STAU2: variants seen among roughly 807,000 people sequenced by gnomAD.
STAU2 encodes the protein double-stranded RNA-binding protein Staufen homolog 2.
In STAU2, 20 loss-of-function variants were observed where a neutral mutation model predicts 65.9. That is an observed-to-expected ratio of 0.30 (90% CI 0.21 to 0.44). STAU2 has a LOEUF of 0.44. STAU2 is among the 20% of genes least tolerant of loss of function. The probability of loss-of-function intolerance (pLI) is 1.00; values close to 1 mark genes in which losing one functional copy is unlikely to be tolerated. For missense variants in STAU2, 558 were observed against 683.9 expected (o/e 0.82, Z 2.05); for synonymous variants, 232 against 233.9 (o/e 0.99, Z 0.07).
At chr8:73,722,484 T>C (rs1303382351) in intron 3 of STAU2, among the ~76,000 whole-genome samples, 1 of 152,230 alleles carries the variant, frequency 6.6e-6, no homozygotes, top group Non-Finnish European at 1.5e-5. Flanking sequence ...GTTGTAAACA[T>C]CTTTATCTCA....
chr8:73,714,976 G>T (rs77001917), intron 3 of STAU2, among the ~76,000 whole-genome samples: 30,768 of 151,356 alleles, frequency 0.2, 3,483 homozygotes, highest in East Asian at 0.36. Flanking sequence ...AGCTACTCAG[G>T]AGGCTGAGGC....
chr8:73,517,512 GA>G (rs1298623030), intron 13 of STAU2, among the ~76,000 whole-genome samples: 3 of 152,104 alleles, frequency 2.0e-5, no homozygotes, highest in Non-Finnish European at 4.4e-5. Flanking sequence ...AGAAAATCTA[GA>G]AAACACTTTG....
Position 73,551,882 on chromosome 8 carries a change from C to T in STAU2, c.1530+130G>A, listed in dbSNP as rs572248336. On this transcript the variant is annotated intron_variant, in intron 13 of 14. Transcript: ENST00000524300. ...GCTTTTTTGTCTGTCCTTTGTGTTCCTAAATAACTTAAAACGTAAGTGGCA... is the reference window on the plus strand; with the variant it reads ...GCTTTTTTGTCTGTCCTTTGTGTTCTTAAATAACTTAAAACGTAAGTGGCA... 6.5e-5 allele frequency: 87 copies of T among 1,343,036 alleles called. No homozygotes were observed. The Admixed American group carries it at 8.1e-4, about 12-fold the overall frequency. The allele number at this position is 1,343,036 out of a possible 1,614,324, so 83.2% of individuals were successfully genotyped here. A position where few individuals can be genotyped will look rare whatever the true frequency, so the allele number is the denominator to read the frequency against.
Position 73,738,325 on chromosome 8 carries a change from G to T in STAU2, c.-59C>A. On this transcript the variant is annotated 5_prime_UTR_variant, in exon 3 of 15. Coordinates refer to ENST00000524300, the MANE Select transcript of STAU2 (RefSeq NM_001164380.2). ...ATGTTAAGACAATATTGACCAAACT[G>T]CTGTATCCCTCACGGCTCCAAAAAC... 1 of 1,599,092 alleles carries T rather than the reference G, an allele frequency of 6.3e-7. No individual in the cohort carries two copies. Among genetic ancestry groups the T allele is most frequent in the Non-Finnish European group, 8.5e-7 (1 of 1,175,666 alleles).
intron 5 of STAU2, among the ~76,000 whole-genome samples, chr8:73,687,297 TATTTATAAATATA>T (rs1333992708): frequency 4.7e-5 from 6 of 126,988 alleles, no homozygotes; most frequent in South Asian, 4.4e-4. Context: ...TTTATATTTA[TATTTATAAATATA>T]ATTTATATTT....
At chr8:73,535,140 C>A (rs1186266828) in intron 13 of STAU2, among the ~76,000 whole-genome samples, 2 of 152,000 alleles carry the variant, frequency 1.3e-5, no homozygotes, top group Non-Finnish European at 2.9e-5. Context: ...AAGTGACAAG[C>A]ATGTACATGA....
intron 13 of STAU2, among the ~76,000 whole-genome samples, chr8:73,491,049 A>C (rs1821130855): frequency 1.3e-5 from 2 of 152,060 alleles, no homozygotes; most frequent in African/African-American, 4.8e-5. Flanking sequence ...ACTGTCTATT[A>C]GTATTAATGC....
intron 13 of STAU2, among the ~76,000 whole-genome samples, chr8:73,543,307 A>G (rs1196090735): frequency 6.6e-6 from 1 of 152,186 alleles, no homozygotes; most frequent in Non-Finnish European, 1.5e-5. Context: ...TTTGCAATAA[A>G]GAGTCCCATC....
intron 11 of STAU2, among the ~76,000 whole-genome samples, chr8:73,583,490 AAAT>A (rs1242255678): frequency 6.6e-6 from 1 of 152,216 alleles, no homozygotes; most frequent in Non-Finnish European, 1.5e-5. Context: ...TCATCACCAC[AAAT>A]GCTTAAGTGA....
At chr8:73,489,886 T>C (rs1290221584) in intron 13 of STAU2, among the ~76,000 whole-genome samples, 2 of 152,034 alleles carry the variant, frequency 1.3e-5, no homozygotes, top group Non-Finnish European at 2.9e-5. Flanking sequence ...TTAACAGCAG[T>C]AGGTCTATTG....
intron 13 of STAU2, among the ~76,000 whole-genome samples, chr8:73,455,264 T>G (rs1819000526): frequency 6.6e-6 from 1 of 152,040 alleles, no homozygotes; most frequent in African/African-American, 2.4e-5. Context: ...GGTAAGGAAG[T>G]TTACACTTGC....
rs796502312 is a variant in STAU2 at position 73,720,759 on chromosome 8, G to A, written c.-17-11597C>T. On this transcript the variant is annotated intron_variant, in intron 3 of 14. Coordinates refer to ENST00000524300, the MANE Select transcript of STAU2 (RefSeq NM_001164380.2). ...GATCTCCTGACCTCATGATCCACCC[G>A]CCTCGGCCTCCCAAAGTGCTGGGAT... 1.0e-4 allele frequency among the ~76,000 whole-genome samples: 8 copies of A among 80,370 alleles called. 2 individuals carry two copies. The highest frequency in any genetic ancestry group is 2.3e-4 in the African/African-American group (4 of 17,266). The allele number at this position is 80,370 out of a possible 152,430, so 52.7% of individuals were successfully genotyped here.
intron 13 of STAU2, among the ~76,000 whole-genome samples, chr8:73,474,840 A>C (rs1323952779): frequency 6.6e-6 from 1 of 152,244 alleles, no homozygotes; most frequent in African/African-American, 2.4e-5. Flanking sequence ...AAAAGATAAA[A>C]ATAACAGTGT....
intron 6 of STAU2, among the ~76,000 whole-genome samples, chr8:73,661,074 C>T (rs1816796795): frequency 6.6e-6 from 1 of 152,164 alleles, no homozygotes; most frequent in Non-Finnish European, 1.5e-5. Context: ...CTGAAAACAA[C>T]ACTGTAAGGA....
intron 14 of STAU2, among the ~76,000 whole-genome samples, chr8:73,422,330 GTT>G (rs1816444753): frequency 6.6e-6 from 1 of 152,156 alleles, no homozygotes; most frequent in Non-Finnish European, 1.5e-5. Context: ...TGTTTTGTAA[GTT>G]TTACAAGTCT....
At chr8:73,588,069 TAA>T (rs886379252) in intron 11 of STAU2, among the ~76,000 whole-genome samples, 1 of 152,082 alleles carries the variant, frequency 6.6e-6, no homozygotes, top group African/African-American at 2.4e-5. Context: ...GAATGGCATA[TAA>T]AAAAGAGGTG....
chr8:73,678,672 A>G (rs1263719137), intron 5 of STAU2, among the ~76,000 whole-genome samples: 1 of 152,238 alleles, frequency 6.6e-6, no homozygotes, highest in Non-Finnish European at 1.5e-5. Context: ...AGTGTTAAAT[A>G]TATCATGGTG....
chr8:73,745,386 G>C (rs144236707), intron 1 of STAU2, among the ~76,000 whole-genome samples: 1 of 152,202 alleles, frequency 6.6e-6, no homozygotes, highest in Non-Finnish European at 1.5e-5. Context: ...CAGTGTACTT[G>C]AATCATCTAA....
At chr8:73,703,150 T>A (rs1586308344) in intron 4 of STAU2, among the ~76,000 whole-genome samples, 1 of 152,158 alleles carries the variant, frequency 6.6e-6, no homozygotes, top group African/African-American at 2.4e-5. Flanking sequence ...TCCCCAATGT[T>A]GGAGGTGGGG....
Sources: gnomAD v4.1 joint callset for allele counts (sites outside exome capture counted in the v4.1 genomes callset) on GRCh38, gnomAD v4.1.1 for gene constraint, MANE v1.5 for transcripts, NCBI Gene and HGNC (gene_info 2026-07-23, HGNC 2026-07-21) for gene names.